Variants in CLASP2 observed in about 807,000 individuals in gnomAD.
CLASP2 encodes the protein cytoplasmic linker associated protein 2, also known as CLIP-associating protein 2.
Under a neutral mutation model 194.4 loss-of-function variants are expected in CLASP2, and 47 were observed. The observed-to-expected ratio is 0.24, with a 90% CI of 0.19 to 0.31. CLASP2 has a LOEUF of 0.31. Among genes scored for constraint, CLASP2 ranks in the 10% least tolerant of loss-of-function variants. CLASP2 has a pLI of 1.00. For missense variants in CLASP2, 1,445 were observed against 1,823.6 expected (o/e 0.79, Z 3.78); for synonymous variants, 619 against 633.5 (o/e 0.98, Z 0.34).
chr3:33,684,432 T>C lies in CLASP2; in HGVS notation c.571A>G (p.Ile191Val), dbSNP rs891580930. The C allele has an allele frequency of 1.2e-6, 2 of 1,601,514 alleles. No homozygotes were observed. Among genetic ancestry groups the C allele is most frequent in the African/African-American group, 1.3e-5 (1 of 74,326 alleles). Residue 191 changes from isoleucine (I) to valine (V), a missense_variant, in exon 6 of 39, where the codon ATA (isoleucine) becomes GTA (valine). Around this residue, in one of 4 missense-constraint regions of CLASP2, gnomAD observed 332 missense variants for 325.3 expected, o/e 1.02. Transcript: ENST00000682230. ...SQVRDAAILA[I>V]VEIYRHVGEK... is the part of the protein sequence containing the mutation. The stretch of plus-strand genomic sequence containing the variant: ...CCCACATGTCTATAAATCTCCACTA[T>C]AGCCAATATTGCAGCATCTCTCACC...
At chr3:33,700,270 T>TA (rs1265627019) in intron 1 of CLASP2, among the ~76,000 whole-genome samples, 1 of 150,582 alleles carries the variant, frequency 6.6e-6, no homozygotes, top group African/African-American at 2.4e-5. Context: ...CTACTAAAAA[T>TA]ACAAAAATTA....
chr3:33,639,680 C>T (rs577827582), intron 8 of CLASP2, among the ~76,000 whole-genome samples: 39 of 152,160 alleles, frequency 2.6e-4, no homozygotes, highest in African/African-American at 8.9e-4. Flanking sequence ...TCAAATCATA[C>T]GTACTGTATA....
chr3:33,704,988 T>C (rs944147238), intron 1 of CLASP2, among the ~76,000 whole-genome samples: 1 of 152,076 alleles, frequency 6.6e-6, no homozygotes, highest in African/African-American at 2.4e-5. Context: ...AGTTTGGCAG[T>C]TCCTCCTAAA....
rs778196993 is a variant in CLASP2 at position 33,608,602 on chromosome 3, T to C, written c.1413A>G (p.Leu471=). ...VRRRSFEFLD[L]LLQEWQTHSL... ...AATGAGTCTGCCACTCTTGCAACAATAAATCTAAAAATTCAAATGAACGTC... is the reference window on the plus strand; with the variant it reads ...AATGAGTCTGCCACTCTTGCAACAACAAATCTAAAAATTCAAATGAACGTC... The change falls in exon 14 of 39, where the codon TTA becomes TTG. Residue 471 remains leucine, a synonymous_variant. Coordinates refer to ENST00000682230, the MANE Select transcript of CLASP2 (RefSeq NM_001365631.1). 6.2e-7 allele frequency: 1 copy of C among 1,610,910 alleles called. No homozygotes were observed.
At chr3:33,664,559 T>A (rs565282822) in intron 6 of CLASP2, among the ~76,000 whole-genome samples, 4 of 152,294 alleles carry the variant, frequency 2.6e-5, no homozygotes, top group East Asian at 3.9e-4. Flanking sequence ...AACTAAAAAA[T>A]TTTTTTAGTT....
intron 12 of CLASP2, among the ~76,000 whole-genome samples, chr3:33,614,434 T>A (rs754458768): frequency 1.4e-4 from 22 of 152,114 alleles, no homozygotes; most frequent in Non-Finnish European, 2.8e-4. Context: ...AAAAGATCCA[T>A]GAAAATTAAC....
At chr3:33,559,171 A>G in intron 29 of CLASP2, 136 bp downstream of exon 29, 2 of 714,526 alleles carry the variant, frequency 2.8e-6, no homozygotes, top group South Asian at 3.0e-5. Context: ...TGCTGGCTTG[A>G]CTGTCTGAAA....
At chr3:33,689,212 C>A (rs1173657655) in intron 3 of CLASP2, among the ~76,000 whole-genome samples, 1 of 151,562 alleles carries the variant, frequency 6.6e-6, no homozygotes, top group African/African-American at 2.4e-5. Flanking sequence ...AGTAACCTGA[C>A]TCACCAATAC....
In CLASP2 at chr3:33,497,806, TAATA is replaced by T. The variant is rs1483204026; in HGVS notation, c.*821_*824del. On this transcript the variant is annotated 3_prime_UTR_variant, in exon 39 of 39. Coordinates refer to ENST00000682230, the MANE Select transcript of CLASP2 (RefSeq NM_001365631.1). ...GTTTATTCATAAGTGAATTTGATATTAATAAATACAAAAAAGCATCATTCACAAC... is the reference window on the plus strand; with the variant it reads ...GTTTATTCATAAGTGAATTTGATATTAATACAAAAAAGCATCATTCACAAC... 2.0e-5 allele frequency: 3 copies of T among 152,510 alleles called. No homozygotes were observed. The highest frequency in any genetic ancestry group is 6.5e-5 in the Admixed American group (1 of 15,270). The allele number at this position is 152,510 out of a possible 1,614,324, so 9.4% of individuals were successfully genotyped here.
At chr3:33,649,919 G>C (rs577510593) in intron 7 of CLASP2, among the ~76,000 whole-genome samples, 1 of 152,200 alleles carries the variant, frequency 6.6e-6, no homozygotes, top group Non-Finnish European at 1.5e-5. Flanking sequence ...CCAACCAACA[G>C]CCAAACAAAA....
At chr3:33,550,206 C>T (rs1169664075) in intron 30 of CLASP2, among the ~76,000 whole-genome samples, 3 of 151,504 alleles carry the variant, frequency 2.0e-5, no homozygotes, top group Admixed American at 2.0e-4. Context: ...GAGTTTGAGA[C>T]CAGCTTGGTC....
chr3:33,568,301 A>G (rs2063109235), intron 26 of CLASP2, among the ~76,000 whole-genome samples: 1 of 152,018 alleles, frequency 6.6e-6, no homozygotes, highest in Admixed American at 6.6e-5. Flanking sequence ...GCTTGTCATC[A>G]CAGCACTTTG....
rs142602620 is a variant in CLASP2 at position 33,646,840 on chromosome 3, C to T, written c.716-1937G>A. 2.6e-5 allele frequency among the ~76,000 whole-genome samples: 4 copies of T among 152,244 alleles called. No homozygotes were observed. The East Asian group carries it at 5.8e-4, about 22-fold the overall frequency. On this transcript the variant is annotated intron_variant, in intron 7 of 38. Coordinates refer to ENST00000682230, the MANE Select transcript of CLASP2 (RefSeq NM_001365631.1). ...ACAGATTACCAGCATCGTGTAAGTA[C>T]CCTCGAGACTCCTAAAAGTCTACAT...
chr3:33,522,882 A>G (rs1006745673), intron 34 of CLASP2, among the ~76,000 whole-genome samples: 6 of 152,186 alleles, frequency 3.9e-5, no homozygotes, highest in Non-Finnish European at 7.3e-5. Flanking sequence ...CATCCTGGCT[A>G]ACACGGTGAA....
intron 34 of CLASP2, among the ~76,000 whole-genome samples, chr3:33,525,992 TAG>T (rs1402246006): frequency 6.6e-6 from 1 of 152,030 alleles, no homozygotes; most frequent in Non-Finnish European, 1.5e-5. Flanking sequence ...TCCGGCTTTA[TAG>T]AGTTTGATCT....
chr3:33,645,071 T>C (rs1488262584), intron 7 of CLASP2, 168 bp from the exon 8 acceptor site: 4 of 707,174 alleles, frequency 5.7e-6, no homozygotes, highest in Non-Finnish European at 7.3e-6. Flanking sequence ...TAACACCATA[T>C]AAAATAATCC....
At chr3:33,710,651 T>C (rs1045463442) in intron 1 of CLASP2, among the ~76,000 whole-genome samples, 4 of 151,486 alleles carry the variant, frequency 2.6e-5, no homozygotes, top group Non-Finnish European at 1.5e-5. Context: ...TACCGAGGAG[T>C]TGGCCAGGCG....
intron 38 of CLASP2, 110 bp downstream of exon 38, chr3:33,501,542 A>T: frequency 4.5e-6 from 3 of 662,424 alleles, no homozygotes; most frequent in Non-Finnish European, 8.1e-6. Context: ...TGGATGCTCA[A>T]AGCCTGACTT....
intron 19 of CLASP2, among the ~76,000 whole-genome samples, chr3:33,595,728 G>C (rs954034991): frequency 2.0e-5 from 3 of 151,918 alleles, no homozygotes; most frequent in Non-Finnish European, 2.9e-5. Context: ...ACTGGAAAGT[G>C]ATAAAAGTTC....
Sources: allele counts gnomAD v4.1 joint callset (sites outside exome capture counted in the v4.1 genomes callset), GRCh38; gene constraint gnomAD v4.1.1; regional missense constraint gnomAD v4.1.1; transcripts MANE v1.5; gene names NCBI Gene and HGNC (gene_info 2026-07-23, HGNC 2026-07-21).